Variants in DOCK3 observed in about 807,000 individuals in gnomAD.
DOCK3 encodes the protein dedicator of cytokinesis protein 3.
In DOCK3, 60 loss-of-function variants were observed where a neutral mutation model predicts 265.6. That is an observed-to-expected ratio of 0.23 (90% confidence interval 0.18 to 0.28). DOCK3 has a LOEUF of 0.28. Ranked by LOEUF, DOCK3 falls within the 10% of genes least tolerant of loss-of-function variation. The pLI is 1.00. For synonymous variants in DOCK3, 881 were observed against 938.0 expected, an observed-to-expected ratio of 0.94 and a Z score of 1.11; for missense variants, 1,981 against 2,594.3, an observed-to-expected ratio of 0.76 and a Z score of 5.14.
In DOCK3 at chr3:51,374,624, A is replaced by G; in HGVS notation, c.5412+37A>G. 1 of 1,566,170 alleles carries G rather than the reference A, an allele frequency of 6.4e-7. No individual in the cohort carries two copies. The highest frequency in any genetic ancestry group is 8.7e-7 in the Non-Finnish European group (1 of 1,147,790). On this transcript the variant is annotated intron_variant, in intron 50 of 52. Transcript: ENST00000266037. The surrounding 1 kb of genome is among the most constrained non-coding windows in gnomAD (Gnocchi z 4.8). Reference sequence around the variant, plus strand: ...ACCACACTGACTGTCCTCTGCTGCAAGTGTGTTAGCCTGTGCTTCCCTCCT... The same window carrying G: ...ACCACACTGACTGTCCTCTGCTGCAGGTGTGTTAGCCTGTGCTTCCCTCCT...
chr3:51,290,648 A>G (rs1054700620), intron 27 of DOCK3, among the ~76,000 whole-genome samples: 2 of 152,178 alleles, frequency 1.3e-5, no homozygotes, highest in Non-Finnish European at 2.9e-5. Flanking sequence ...ACAAACCTGC[A>G]TGTTGTGCAT....
intron 1 of DOCK3, among the ~76,000 whole-genome samples, chr3:50,691,922 T>G (rs994326939): frequency 4.0e-5 from 6 of 151,450 alleles, no homozygotes; most frequent in African/African-American, 1.2e-4. Context: ...AAAGTTTTTT[T>G]TTTTTTTTTT....
At chr3:51,170,228 CT>C (rs1438849858) in intron 12 of DOCK3, among the ~76,000 whole-genome samples, 1 of 152,134 alleles carries the variant, frequency 6.6e-6, no homozygotes, top group Admixed American at 6.6e-5. Flanking sequence ...GTCTTTTTAT[CT>C]GACTTTACTA....
In DOCK3 at chr3:51,350,417, G is replaced by C. The variant is rs147027669; in HGVS notation, c.4107+25G>C. 1.6e-5 allele frequency: 26 copies of C among 1,599,124 alleles called. No homozygotes were observed. In the African/African-American group the frequency reaches 3.0e-4, roughly 18 times the overall value. On this transcript the variant is annotated intron_variant, in intron 40 of 52. Transcript: ENST00000266037. The stretch of plus-strand genomic sequence containing the variant: ...GGTGAGTCCATTCAGATGGTCACAA[G>C]AACTTATATATTTTACGCATAATTC...
intron 9 of DOCK3, among the ~76,000 whole-genome samples, chr3:51,103,140 A>T (rs944049602): frequency 2.0e-5 from 3 of 152,216 alleles, no homozygotes; most frequent in African/African-American, 7.2e-5. Context: ...ATAAAACGAT[A>T]TCTTTTTCTT....
intron 1 of DOCK3, among the ~76,000 whole-genome samples, chr3:50,724,094 A>T (rs1025626876): frequency 3.9e-5 from 6 of 152,258 alleles, no homozygotes; most frequent in Admixed American, 2.6e-4. Flanking sequence ...TATGAAAAAA[A>T]TCCTCATCAT....
At chr3:51,269,487 T>G (rs182199014) in intron 23 of DOCK3, among the ~76,000 whole-genome samples, 5 of 152,258 alleles carry the variant, frequency 3.3e-5, no homozygotes, top group Admixed American at 2.6e-4. Context: ...AATCTGCAGA[T>G]AGAATTCATA....
chr3:51,262,298 A>T (rs1373941725), intron 23 of DOCK3, among the ~76,000 whole-genome samples: 4 of 152,162 alleles, frequency 2.6e-5, no homozygotes. Context: ...CCTCCAGCAA[A>T]CCCCAGCAGA....
intron 5 of DOCK3, among the ~76,000 whole-genome samples, chr3:50,974,254 A>G (rs1171682849): frequency 5.3e-5 from 8 of 151,712 alleles, no homozygotes; most frequent in Non-Finnish European, 5.9e-5. Context: ...GTTTTCTTCT[A>G]GGGTTTTTAT....
chr3:51,172,065 A>AT (rs1356260141), intron 12 of DOCK3, among the ~76,000 whole-genome samples: 1 of 152,202 alleles, frequency 6.6e-6, no homozygotes, highest in African/African-American at 2.4e-5. Context: ...TTCACTCTTT[A>AT]TCATTACAGA....
At chr3:51,156,190 A>C (rs1486947408) in intron 10 of DOCK3, among the ~76,000 whole-genome samples, 5 of 151,868 alleles carry the variant, frequency 3.3e-5, no homozygotes, top group East Asian at 1.9e-4. Flanking sequence ...ATTATCTCCC[A>C]AAAAAAAGGA....
chr3:51,214,973 G>A (rs1484266820), intron 14 of DOCK3, among the ~76,000 whole-genome samples: 4 of 152,194 alleles, frequency 2.6e-5, no homozygotes, highest in Non-Finnish European at 5.9e-5. Context: ...AGTGAAGAAA[G>A]GGTAGAGGCA....
intron 27 of DOCK3, among the ~76,000 whole-genome samples, chr3:51,294,595 G>A (rs1022102071): frequency 1.3e-5 from 2 of 151,218 alleles, no homozygotes; most frequent in South Asian, 2.1e-4. Context: ...GGAAGATGGC[G>A]TGAACCCGGG....
chr3:51,031,052 T>C (rs2080027295), intron 5 of DOCK3, among the ~76,000 whole-genome samples: 1 of 152,248 alleles, frequency 6.6e-6, no homozygotes, highest in African/African-American at 2.4e-5. Flanking sequence ...GTTTTAGCTG[T>C]ACTCACAGGA....
At chr3:50,714,638 A>T (rs2036985567) in intron 1 of DOCK3, among the ~76,000 whole-genome samples, 1 of 152,084 alleles carries the variant, frequency 6.6e-6, no homozygotes, top group African/African-American at 2.4e-5. Context: ...TTTTGTAGAG[A>T]TGGAGTCTCA....
At chr3:50,993,093 T>G (rs1008252359) in intron 5 of DOCK3, among the ~76,000 whole-genome samples, 23 of 152,198 alleles carry the variant, frequency 1.5e-4, no homozygotes, top group Non-Finnish European at 2.9e-4. Context: ...GTAATTAATG[T>G]GAGGGGGCAG....
chr3:51,218,830 A>G (rs1449284738), intron 14 of DOCK3, among the ~76,000 whole-genome samples: 4 of 152,180 alleles, frequency 2.6e-5, no homozygotes, highest in Non-Finnish European at 5.9e-5. Flanking sequence ...TGCAAGGCCC[A>G]TAAAACACAG....
chr3:50,778,834 A>T (rs1370965034), intron 2 of DOCK3, 76 bp downstream of exon 2: 1 of 1,027,428 alleles, frequency 9.7e-7, no homozygotes, highest in Non-Finnish European at 1.4e-6. Context: ...TGTGCTAATA[A>T]GATTATAAGC....
chr3:50,676,518 A>G (rs1237100466), intron 1 of DOCK3, among the ~76,000 whole-genome samples: 3 of 152,182 alleles, frequency 2.0e-5, no homozygotes, highest in Non-Finnish European at 4.4e-5. Context: ...CTCTAGGGAC[A>G]TTTTACCCCT....
Sources: allele counts gnomAD v4.1 joint callset (sites outside exome capture counted in the v4.1 genomes callset), GRCh38; gene constraint gnomAD v4.1.1; non-coding constraint Gnocchi (gnomAD v3.1); transcripts MANE v1.5; gene names NCBI Gene and HGNC (gene_info 2026-07-23, HGNC 2026-07-21).